PIK3C2G: variants seen among roughly 807,000 people sequenced by gnomAD.
PIK3C2G encodes the protein phosphatidylinositol 3-kinase C2 domain-containing subunit gamma.
A neutral mutation model predicts 181.1 loss-of-function variants in PIK3C2G; 168 were observed. That is an observed-to-expected ratio of 0.93 (90% CI 0.82 to 1.05). PIK3C2G has a LOEUF of 1.05. Among genes scored for constraint, PIK3C2G ranks in the 50% least tolerant of loss-of-function variants. The pLI is 0.00. For synonymous variants in PIK3C2G, 573 were observed against 592.2 expected (o/e 0.97, Z 0.47); for missense variants, 1,869 against 1,732.8 (o/e 1.08, Z -1.40).
intron 24 of PIK3C2G, among the ~76,000 whole-genome samples, chr12:18,534,026 T>G (rs1418427655): frequency 7.3e-6 from 1 of 137,084 alleles, no homozygotes; most frequent in Non-Finnish European, 1.5e-5. Flanking sequence ...CTTGGCTCAC[T>G]GCAACCTCCC....
intron 18 of PIK3C2G, among the ~76,000 whole-genome samples, chr12:18,487,241 C>A (rs953331806): frequency 6.6e-6 from 1 of 151,766 alleles, no homozygotes; most frequent in African/African-American, 2.4e-5. Context: ...CTAATAATGA[C>A]AAAGGAACAG....
chr12:18,306,468 T>A (rs1021344657), intron 5 of PIK3C2G, among the ~76,000 whole-genome samples: 3 of 151,984 alleles, frequency 2.0e-5, no homozygotes, highest in Non-Finnish European at 2.9e-5. Context: ...GAAGCACTGG[T>A]TTAGTGAAAC....
the PIK3C2G span, among the ~76,000 whole-genome samples, chr12:18,674,097 G>A: frequency 6.6e-6 from 1 of 152,168 alleles, no homozygotes; most frequent in Admixed American, 6.5e-5. Context: ...CCACAACTGT[G>A]AAGAATAAAA....
At chr12:18,536,621 A>G (rs1943867609) in intron 24 of PIK3C2G, among the ~76,000 whole-genome samples, 5 of 152,176 alleles carry the variant, frequency 3.3e-5, no homozygotes. Context: ...ACATTTCCTA[A>G]GTTAATCCTC....
chr12:18,419,505 T>C (rs1332109924), intron 16 of PIK3C2G, among the ~76,000 whole-genome samples: 1 of 152,192 alleles, frequency 6.6e-6, no homozygotes, highest in Non-Finnish European at 1.5e-5. Flanking sequence ...AAAGTCTTAA[T>C]GTACTAAAAC....
chr12:18,598,586 G>T (rs1947513263), intron 30 of PIK3C2G, among the ~76,000 whole-genome samples: 2 of 151,216 alleles, frequency 1.3e-5, no homozygotes, highest in African/African-American at 4.9e-5. Flanking sequence ...ACATAGGCAT[G>T]GGCAAGGACT....
intron 5 of PIK3C2G, among the ~76,000 whole-genome samples, chr12:18,298,452 T>C (rs1950038603): frequency 6.6e-6 from 1 of 150,608 alleles, no homozygotes; most frequent in African/African-American, 2.4e-5. Context: ...TTCTGCATAA[T>C]AGTCCTTGTT....
intron 14 of PIK3C2G, among the ~76,000 whole-genome samples, chr12:18,385,567 TTTA>T (rs759458500): frequency 6.6e-6 from 1 of 151,904 alleles, no homozygotes; most frequent in African/African-American, 2.4e-5. Context: ...TCTATGTTTC[TTTA>T]TTATTATTAT....
chr12:18,697,504 T>C, the PIK3C2G span, among the ~76,000 whole-genome samples: 3 of 152,254 alleles, frequency 2.0e-5, no homozygotes, highest in African/African-American at 4.8e-5. Flanking sequence ...TAAGGTCTCA[T>C]AACATAATAT....
At chr12:18,395,916 G>GA (rs57271556) in intron 15 of PIK3C2G, among the ~76,000 whole-genome samples, 17,868 of 149,516 alleles carry the variant, frequency 0.12, 1,436 homozygotes, top group Admixed American at 0.26. Context: ...AATATAACAG[G>GA]AAAAAAATAT....
chr12:18,359,475 C>T (rs1343370816), intron 11 of PIK3C2G, among the ~76,000 whole-genome samples: 1 of 152,068 alleles, frequency 6.6e-6, no homozygotes, highest in Non-Finnish European at 1.5e-5. Flanking sequence ...TGTTCTAATC[C>T]TCTGTTTACT....
Position 18,401,909 on chromosome 12 carries a change from C to T in PIK3C2G, c.2315+2062C>T, listed in dbSNP as rs114803618. The stretch of plus-strand genomic sequence containing the variant: ...ATGAGGATATGGAGAAATTGGAAAC[C>T]TCATTTACCTCTGGTGGGAATGCAA... On this transcript the variant is annotated intron_variant, in intron 16 of 32. Transcript: ENST00000538779. Among the ~76,000 whole-genome samples, 1,163 of 152,082 alleles carry T rather than the reference C, an allele frequency of 7.6e-3. 16 individuals carry two copies. Among genetic ancestry groups the T allele is most frequent in the African/African-American group, 0.027 (1,107 of 41,494 alleles).
chr12:18,291,615 G>C (rs1362703357), intron 4 of PIK3C2G, among the ~76,000 whole-genome samples: 3 of 152,068 alleles, frequency 2.0e-5, no homozygotes, highest in African/African-American at 7.2e-5. Context: ...CATTGTTATA[G>C]TCCACTATTT....
chr12:18,603,594 G>A (rs1256498547), intron 30 of PIK3C2G, among the ~76,000 whole-genome samples: 1 of 152,036 alleles, frequency 6.6e-6, no homozygotes, highest in Non-Finnish European at 1.5e-5. Context: ...TTAAGACAAG[G>A]GAAAGAATCT....
At chr12:18,499,671 C>G (rs922163515) in intron 22 of PIK3C2G, among the ~76,000 whole-genome samples, 3 of 152,190 alleles carry the variant, frequency 2.0e-5, no homozygotes, top group African/African-American at 7.2e-5. Flanking sequence ...CGCACTAAAT[C>G]AGACTTCCCC....
Position 18,447,557 on chromosome 12 carries a change from C to T in PIK3C2G, c.2504+23518C>T, listed in dbSNP as rs78399177. Among the ~76,000 whole-genome samples the T allele has an allele frequency of 5.2e-3, 793 of 152,064 alleles. 3 individuals are homozygous for T. The highest frequency in any genetic ancestry group is 8.5e-3 in the Non-Finnish European group (576 of 68,012). On this transcript the variant is annotated intron_variant, in intron 18 of 32. Transcript: ENST00000538779. ...CCTTCAAGATAAAGGTAATTTTTCA[C>T]GGTAATGGAAAAGCAAATATTATTT... is the stretch of plus-strand genomic sequence containing the variant.
At position 18,337,948 on chromosome 12, in the gene PIK3C2G, A is replaced by T. The variant is rs535087121; in HGVS notation, c.1273-478A>T. ...CAGAGTTTGTTCCGATTTTCTAGTA[A>T]GTTTGCCCAACTATACACTGATTCC... is the stretch of plus-strand genomic sequence containing the variant. On this transcript the variant is annotated intron_variant, in intron 8 of 32. Coordinates refer to ENST00000538779, the MANE Select transcript of PIK3C2G (RefSeq NM_001288772.2). Among the ~76,000 whole-genome samples, 11 of 152,294 alleles carry T rather than the reference A, an allele frequency of 7.2e-5. No individual in the cohort carries two copies. In the South Asian group the frequency reaches 2.1e-3, roughly 29 times the overall value.
At chr12:18,547,013 A>G (rs1408784219) in intron 26 of PIK3C2G, among the ~76,000 whole-genome samples, 4 of 152,020 alleles carry the variant, frequency 2.6e-5, no homozygotes, top group Admixed American at 1.3e-4. Context: ...AAATGGATAT[A>G]TAATTCCTGG....
At chr12:18,722,785 C>A in the PIK3C2G span, among the ~76,000 whole-genome samples, 1 of 151,370 alleles carries the variant, frequency 6.6e-6, no homozygotes, top group Non-Finnish European at 1.5e-5. Flanking sequence ...GAAGAACAAG[C>A]GAAAAGTATA....
Sources: allele counts gnomAD v4.1 joint callset (sites outside exome capture counted in the v4.1 genomes callset), GRCh38; gene constraint gnomAD v4.1.1; transcripts MANE v1.5; gene names NCBI Gene and HGNC (gene_info 2026-07-23, HGNC 2026-07-21).